Variants in NKAIN2 observed in about 807,000 individuals in gnomAD.
The protein encoded by NKAIN2 is sodium/potassium-transporting ATPase subunit beta-1-interacting protein 2.
Under a neutral mutation model 32.6 loss-of-function variants are expected in NKAIN2, and 14 were observed. The ratio of observed to expected loss-of-function variants is 0.43; its 90% CI spans 0.28 to 0.67. NKAIN2 has a LOEUF of 0.67. Among genes scored for constraint, NKAIN2 ranks in the 30% least tolerant of loss-of-function variants. The probability of loss-of-function intolerance (pLI) is 0.17; values close to 1 mark genes in which losing one functional copy is unlikely to be tolerated. For synonymous variants in NKAIN2, 80 were observed against 87.2 expected (o/e 0.92, Z 0.46); for missense variants, 198 against 258.3 (o/e 0.77, Z 1.60).
chr6:124,281,495 G>A (rs908222321), intron 1 of NKAIN2, among the ~76,000 whole-genome samples: 1 of 152,188 alleles, frequency 6.6e-6, no homozygotes, highest in African/African-American at 2.4e-5. Flanking sequence ...GACAGTCTGT[G>A]TTTATTAAGG....
chr6:124,400,869 G>C lies in NKAIN2; in HGVS notation c.273+45522G>C, dbSNP rs74509584. 9.9e-3 allele frequency among the ~76,000 whole-genome samples: 1,500 copies of C among 151,914 alleles called. 18 individuals are homozygous for C. Among genetic ancestry groups the C allele is most frequent in the African/African-American group, 0.035 (1,433 of 41,434 alleles). ...AGTACACTATTATCCTGATTTTTAT[G>C]GTCACACCTATTTTTCTTTATTAAT... On this transcript the variant is annotated intron_variant, in intron 3 of 6. Transcript: ENST00000368417.
intron 3 of NKAIN2, among the ~76,000 whole-genome samples, chr6:124,433,660 T>C (rs1388814143): frequency 6.6e-6 from 1 of 152,064 alleles, no homozygotes; most frequent in Non-Finnish European, 1.5e-5. Flanking sequence ...AGCTGGGGAA[T>C]GGGAAGGGGG....
chr6:124,285,367 T>C (rs73770394), intron 2 of NKAIN2, among the ~76,000 whole-genome samples: 19,941 of 151,820 alleles, frequency 0.13, 1,424 homozygotes, highest in East Asian at 0.26. Flanking sequence ...CACTGTCATC[T>C]TTTTTTTGCT....
chr6:124,040,714 G>A (rs189159335), intron 1 of NKAIN2, among the ~76,000 whole-genome samples: 45 of 152,060 alleles, frequency 3.0e-4, no homozygotes, highest in Non-Finnish European at 6.3e-4. Flanking sequence ...TCCTATATAT[G>A]CATGTGGCTC....
At chr6:123,862,018 A>G (rs966496784) in intron 1 of NKAIN2, among the ~76,000 whole-genome samples, 3 of 152,196 alleles carry the variant, frequency 2.0e-5, no homozygotes, top group African/African-American at 7.2e-5. Flanking sequence ...TTTCGTTATC[A>G]TTATTATTAC....
chr6:124,268,074 T>C (rs1361257742), intron 1 of NKAIN2, among the ~76,000 whole-genome samples: 1 of 152,212 alleles, frequency 6.6e-6, no homozygotes, highest in African/African-American at 2.4e-5. Context: ...ATCGTGTATG[T>C]AATAATTAAA....
chr6:124,313,834 G>A (rs984116841), intron 2 of NKAIN2, among the ~76,000 whole-genome samples: 3 of 152,114 alleles, frequency 2.0e-5, no homozygotes, highest in Non-Finnish European at 4.4e-5. Flanking sequence ...ATCTACCCTA[G>A]CTCGGTGTCT....
chr6:124,148,114 TATTTC>T (rs1787511460), intron 1 of NKAIN2, among the ~76,000 whole-genome samples: 2 of 152,182 alleles, frequency 1.3e-5, no homozygotes. Context: ...AGATTTTCAT[TATTTC>T]ATTTATTTTT....
At chr6:124,274,139 G>T (rs891700891) in intron 1 of NKAIN2, among the ~76,000 whole-genome samples, 2 of 152,120 alleles carry the variant, frequency 1.3e-5, no homozygotes, top group African/African-American at 2.4e-5. Flanking sequence ...CCAGATAAAT[G>T]TCATTTTTGT....
intron 3 of NKAIN2, among the ~76,000 whole-genome samples, chr6:124,601,766 G>T (rs1782315849): frequency 6.6e-6 from 1 of 151,958 alleles, no homozygotes; most frequent in Admixed American, 6.6e-5. Context: ...GAAAAATGAA[G>T]AAATTCCAGT....
At chr6:124,570,940 G>T (rs184972127) in intron 3 of NKAIN2, among the ~76,000 whole-genome samples, 32 of 152,294 alleles carry the variant, frequency 2.1e-4, no homozygotes, top group African/African-American at 7.7e-4. Flanking sequence ...ACCCTGCAAA[G>T]CCACAGAGGC....
At position 124,740,408 on chromosome 6, in the gene NKAIN2, G is replaced by A. The variant is rs895009552; in HGVS notation, c.475-50931G>A. Among the ~76,000 whole-genome samples the A allele has an allele frequency of 1.1e-4, 17 of 150,044 alleles. 1 individual carries two copies. Among genetic ancestry groups the A allele is most frequent in the African/African-American group, 4.2e-4 (17 of 40,882 alleles). On this transcript the variant is annotated intron_variant, in intron 4 of 6. Coordinates refer to ENST00000368417, the MANE Select transcript of NKAIN2 (RefSeq NM_001040214.3). ...TCATGGAGCTCATATTTCAGCGAAG[G>A]AGACAGAAGATTAACATATATATAT...
intron 3 of NKAIN2, among the ~76,000 whole-genome samples, chr6:124,606,457 T>C (rs1408404670): frequency 5.3e-5 from 8 of 152,072 alleles, no homozygotes; most frequent in Admixed American, 3.9e-4. Context: ...ATAGTATATA[T>C]ATTTTTAAAA....
At chr6:123,936,585 G>C (rs776030682) in intron 1 of NKAIN2, among the ~76,000 whole-genome samples, 5 of 152,084 alleles carry the variant, frequency 3.3e-5, no homozygotes, top group Non-Finnish European at 7.4e-5. Context: ...GATACAAAAT[G>C]AAGAGGAGTA....
chr6:123,888,764 C>A (rs796256036), intron 1 of NKAIN2, among the ~76,000 whole-genome samples: 10 of 152,196 alleles, frequency 6.6e-5, no homozygotes, highest in African/African-American at 1.9e-4. Flanking sequence ...TTTCAAATGA[C>A]CTCCATTTGC....
intron 3 of NKAIN2, among the ~76,000 whole-genome samples, chr6:124,500,747 T>C (rs1354179695): frequency 1.3e-5 from 2 of 151,842 alleles, no homozygotes; most frequent in Non-Finnish European, 2.9e-5. Context: ...AAGACAACAA[T>C]GTATAGTCAC....
intron 3 of NKAIN2, among the ~76,000 whole-genome samples, chr6:124,541,874 A>G (rs1186646221): frequency 6.6e-6 from 1 of 152,188 alleles, no homozygotes; most frequent in Non-Finnish European, 1.5e-5. Context: ...CTGACAGACA[A>G]TACAACATTT....
At chr6:124,497,628 G>T (rs1778111897) in intron 3 of NKAIN2, among the ~76,000 whole-genome samples, 1 of 151,646 alleles carries the variant, frequency 6.6e-6, no homozygotes, top group African/African-American at 2.4e-5. Flanking sequence ...TCTTTAGAAA[G>T]GACATATAGC....
chr6:124,523,065 C>G (rs1042658624), intron 3 of NKAIN2, among the ~76,000 whole-genome samples: 1 of 93,424 alleles, frequency 1.1e-5, no homozygotes, highest in Non-Finnish European at 2.5e-5. Flanking sequence ...ATGGCGTGAA[C>G]CCGGGAGGCG....
Sources: allele counts gnomAD v4.1 joint callset (sites outside exome capture counted in the v4.1 genomes callset), GRCh38; gene constraint gnomAD v4.1.1; transcripts MANE v1.5; gene names NCBI Gene and HGNC (gene_info 2026-07-23, HGNC 2026-07-21).